The following NCR2 variants were observed in gnomAD, a reference collection of about 807,000 sequenced individuals.
NCR2 encodes natural cytotoxicity triggering receptor 2, also known as NK cell activating receptor (NKp44).
A neutral mutation model predicts 30.7 loss-of-function variants in NCR2; 35 were observed. That is an observed-to-expected ratio of 1.14 (90% CI 0.87 to 1.51). The LOEUF (loss-of-function observed/expected upper bound fraction) is 1.51. Among genes scored for constraint, NCR2 ranks in the 40% most tolerant of loss-of-function variants. NCR2 has a pLI of 0.00. For synonymous variants in NCR2, 146 were observed against 134.8 expected (o/e 1.08, Z -0.58); for missense variants, 316 against 328.9 (o/e 0.96, Z 0.30).
At chr6:41,338,995 T>C (rs1769100508) in intron 2 of NCR2, among the ~76,000 whole-genome samples, 1 of 152,236 alleles carries the variant, frequency 6.6e-6, no homozygotes, top group South Asian at 2.1e-4. Context: ...TCCAATACTC[T>C]TTTTTCTCCT....
chr6:41,346,631 T>C (rs1274437655), intron 4 of NCR2, among the ~76,000 whole-genome samples: 1 of 152,202 alleles, frequency 6.6e-6, no homozygotes, highest in Non-Finnish European at 1.5e-5. Flanking sequence ...CCAGCCAAGA[T>C]GAATGTGGCT....
At chr6:41,346,180 G>A (rs144691944) in intron 4 of NCR2, among the ~76,000 whole-genome samples, 46 of 152,198 alleles carry the variant, frequency 3.0e-4, no homozygotes, top group African/African-American at 8.9e-4. Context: ...GACTGCTCCC[G>A]CCATAATTCT....
At chr6:41,348,175 A>T (rs896144496) in intron 4 of NCR2, among the ~76,000 whole-genome samples, 1 of 152,114 alleles carries the variant, frequency 6.6e-6, no homozygotes, top group Non-Finnish European at 1.5e-5. Flanking sequence ...TCTGGCCACA[A>T]ATTATTTACA....
At chr6:41,342,261 G>C in intron 4 of NCR2, 112 bp downstream of exon 4, 1 of 1,419,510 alleles carries the variant, frequency 7.0e-7, no homozygotes, top group Non-Finnish European at 9.5e-7. Context: ...ATTATAATCG[G>C]CAGAGCTCTC....
chr6:41,341,718 C>A, intron 2 of NCR2, 76 bp from the exon 3 acceptor site: 6 of 1,519,878 alleles, frequency 3.9e-6, no homozygotes, highest in Non-Finnish European at 5.3e-6. Flanking sequence ...GTCCAACTCC[C>A]CCATCCAGCT....
intron 4 of NCR2, among the ~76,000 whole-genome samples, chr6:41,345,608 G>A (rs982667491): frequency 1.3e-5 from 2 of 152,024 alleles, no homozygotes; most frequent in Middle Eastern, 3.4e-3. Flanking sequence ...CTTCCCCCAA[G>A]GTCAGCACTC....
chr6:41,336,496 G>C, intron 2 of NCR2, 68 bp downstream of exon 2: 1 of 1,394,018 alleles, frequency 7.2e-7, no homozygotes, highest in Non-Finnish European at 9.9e-7. Context: ...CATCACCCCT[G>C]GTTTCCCAAT....
intron 4 of NCR2, among the ~76,000 whole-genome samples, chr6:41,342,460 C>T (rs1282257095): frequency 2.0e-5 from 3 of 151,136 alleles, no homozygotes; most frequent in Non-Finnish European, 4.4e-5. Flanking sequence ...ATTCCTCCCC[C>T]TCCCTCTTTC....
chr6:41,345,691 C>T (rs1370185999), intron 4 of NCR2, among the ~76,000 whole-genome samples: 1 of 152,102 alleles, frequency 6.6e-6, no homozygotes, highest in African/African-American at 2.4e-5. Flanking sequence ...GCCCAGGATG[C>T]CCTGGTCCTC....
At chr6:41,344,232 C>T (rs568689822) in intron 4 of NCR2, among the ~76,000 whole-genome samples, 1 of 152,194 alleles carries the variant, frequency 6.6e-6, no homozygotes, top group Non-Finnish European at 1.5e-5. Context: ...TCAGCCACCC[C>T]TGTAGCACAG....
chr6:41,343,198 C>T (rs904866362), intron 4 of NCR2, among the ~76,000 whole-genome samples: 3 of 152,256 alleles, frequency 2.0e-5, no homozygotes, highest in Admixed American at 6.5e-5. Flanking sequence ...GTTTGCACTG[C>T]GGCCAGCACC....
At chr6:41,347,558 C>G (rs1228736952) in intron 4 of NCR2, among the ~76,000 whole-genome samples, 3 of 152,244 alleles carry the variant, frequency 2.0e-5, no homozygotes, top group African/African-American at 7.2e-5. Flanking sequence ...GAGGAGCACC[C>G]TAGGCATGGC....
chr6:41,339,907 G>A (rs1011283645), intron 2 of NCR2, among the ~76,000 whole-genome samples: 2 of 152,072 alleles, frequency 1.3e-5, no homozygotes, highest in African/African-American at 4.8e-5. Context: ...TCTTCATCTG[G>A]CTTACTGTCA....
chr6:41,335,940 G>A lies in NCR2; in HGVS notation c.52+12G>A. ...GCTGCTGTTCCCAGGTGAGGGGGAG[G>A]AGGAGCCCAGGGAGCAGAGGAGATG... On this transcript the variant is annotated intron_variant, in intron 1 of 4. Transcript: ENST00000373089. 1 of 1,571,518 alleles carries A rather than the reference G, an allele frequency of 6.4e-7. No individual in the cohort carries two copies. The highest frequency in any genetic ancestry group is 8.6e-7 in the Non-Finnish European group (1 of 1,158,050).
Position 41,336,158 on chromosome 6 carries a change from T to C in NCR2, c.124T>C (p.Tyr42His), listed in dbSNP as rs1769017308. Residue 42 changes from tyrosine (Y) to histidine (H), a missense_variant, in exon 2 of 5, where the codon TAC (tyrosine) becomes CAC (histidine). Transcript: ENST00000373089. ...AGQTLTVRCQ[Y>H]PPTGSLYEKK... ...GCAGACGCTAACCGTGAGATGCCAG[T>C]ACCCGCCCACGGGCAGTCTCTACGA... 3.1e-6 allele frequency: 5 copies of C among 1,614,052 alleles called. No individual in the cohort carries two copies. In the African/African-American group the frequency reaches 6.7e-5, roughly 22 times the overall value.
chr6:41,350,784 T>C lies in NCR2; in HGVS notation c.751T>C (p.Ser251Pro). Residue 251 changes from serine to proline, a missense_variant, in exon 5 of 5, where the codon TCA (serine) becomes CCA (proline). By Grantham distance (74) the Ser-to-Pro change is moderately conservative. Transcript: ENST00000373089. ...VTDLPWTSVS[S>P]PVEREILYHT... ...GGACCTTCCCTGGACCTCAGTTTCC[T>C]CACCTGTAGAGAGAGAAATATTATA... 1 of 1,459,230 alleles carries C rather than the reference T, an allele frequency of 6.9e-7. No individual in the cohort carries two copies. Among genetic ancestry groups the C allele is most frequent in the Non-Finnish European group, 9.6e-7 (1 of 1,038,676 alleles). The allele number at this position is 1,459,230 out of a possible 1,614,324, so 90.4% of individuals were successfully genotyped here. A position where few individuals can be genotyped will look rare whatever the true frequency, so the allele number is the denominator to read the frequency against.
chr6:41,335,789 G>T lies in NCR2; in HGVS notation c.-88G>T. 4 of 1,390,998 alleles carry T rather than the reference G, an allele frequency of 2.9e-6. No homozygotes were observed. In the East Asian group the frequency reaches 7.5e-5, roughly 26 times the overall value. The allele number at this position is 1,390,998 out of a possible 1,614,324, so 86.2% of individuals were successfully genotyped here. ...CATTTTTCTATCAGACGTGCTGGAA[G>T]AGCAGCAGAATCAGGCCCAGCTCCC... On this transcript the variant is annotated 5_prime_UTR_variant, in exon 1 of 5. Transcript: ENST00000373089.
Position 41,335,825 on chromosome 6 carries a change from C to A in NCR2, c.-52C>A, listed in dbSNP as rs370013035. 1.3e-6 allele frequency: 2 copies of A among 1,538,628 alleles called. No individual in the cohort carries two copies. Among genetic ancestry groups the A allele is most frequent in the East Asian group, 2.4e-5 (1 of 41,024 alleles). ...TCAGGCCCAGCTCCCAATTCCCTCT[C>A]CCCAGTCTTCTCCAGGTGTCCCCTC... On this transcript the variant is annotated 5_prime_UTR_variant, in exon 1 of 5. Coordinates refer to ENST00000373089, the MANE Select transcript of NCR2 (RefSeq NM_004828.4).
In NCR2 at chr6:41,349,135, T is replaced by C. The variant is rs545840538; in HGVS notation, c.645-1543T>C. Among the ~76,000 whole-genome samples, 670 of 147,360 alleles carry C rather than the reference T, an allele frequency of 4.5e-3. 2 individuals are homozygous for C. The highest frequency in any genetic ancestry group is 7.9e-3 in the Non-Finnish European group (525 of 66,754). ...TTTTTTATATTTTATTTATATATTT[T>C]ATATTAATTTTTATTAATAATTTTA... On this transcript the variant is annotated intron_variant, in intron 4 of 4. Coordinates refer to ENST00000373089, the MANE Select transcript of NCR2 (RefSeq NM_004828.4).
Sources: gnomAD v4.1 joint callset for allele counts (sites outside exome capture counted in the v4.1 genomes callset) on GRCh38, gnomAD v4.1.1 for gene constraint, MANE v1.5 for transcripts, NCBI Gene and HGNC (gene_info 2026-07-23, HGNC 2026-07-21) for gene names.